Variants in PLPPR1 observed in about 807,000 individuals in gnomAD.
The protein encoded by PLPPR1 is phospholipid phosphatase-related protein type 1.
PLPPR1 carries 10 observed loss-of-function variants against 33.1 expected under a neutral mutation model. The ratio of observed to expected loss-of-function variants is 0.30; its 90% CI spans 0.19 to 0.51. The LOEUF (loss-of-function observed/expected upper bound fraction) is 0.51. Ranked by LOEUF, PLPPR1 falls within the 20% of genes least tolerant of loss-of-function variation. The probability of loss-of-function intolerance (pLI) is 0.97; values close to 1 mark genes in which losing one functional copy is unlikely to be tolerated. For synonymous variants in PLPPR1, 151 were observed against 151.0 expected (o/e 1.00, Z 0.00); for missense variants, 304 against 408.1 (o/e 0.74, Z 2.20).
intron 4 of PLPPR1, among the ~76,000 whole-genome samples, chr9:101,286,628 C>T (rs912765334): frequency 7.2e-5 from 11 of 152,204 alleles, no homozygotes; most frequent in Middle Eastern, 3.4e-3. Flanking sequence ...TTTTGTTATG[C>T]AGGGAATTTA....
intron 4 of PLPPR1, among the ~76,000 whole-genome samples, chr9:101,294,375 A>G (rs995146623): frequency 5.9e-5 from 9 of 151,886 alleles, no homozygotes; most frequent in African/African-American, 2.2e-4. Context: ...CCAGAGGTAC[A>G]AGGAGGAACT....
intron 3 of PLPPR1, among the ~76,000 whole-genome samples, chr9:101,281,849 C>A (rs1229266523): frequency 6.6e-6 from 1 of 152,066 alleles, no homozygotes; most frequent in African/African-American, 2.4e-5. Flanking sequence ...AGGTAAGTTT[C>A]TGGAAACACA....
At chr9:101,272,439 A>G (rs1828118510) in intron 3 of PLPPR1, among the ~76,000 whole-genome samples, 1 of 152,208 alleles carries the variant, frequency 6.6e-6, no homozygotes, top group Non-Finnish European at 1.5e-5. Flanking sequence ...CCACAAAAGC[A>G]CTCTGAATAG....
intron 2 of PLPPR1, among the ~76,000 whole-genome samples, chr9:101,205,363 A>G (rs1270791680): frequency 6.6e-6 from 1 of 152,198 alleles, no homozygotes; most frequent in African/African-American, 2.4e-5. Flanking sequence ...AAACTATTTT[A>G]GAGAAGCTCA....
At chr9:101,102,755 C>T in intron 1 of PLPPR1, among the ~76,000 whole-genome samples, 6 of 103,086 alleles carry the variant, frequency 5.8e-5, no homozygotes, top group African/African-American at 2.1e-4. Context: ...AGTTTACAGT[C>T]CCACCAACAG....
chr9:101,032,027 A>C (rs1188781416), intron 1 of PLPPR1, among the ~76,000 whole-genome samples: 1 of 152,184 alleles, frequency 6.6e-6, no homozygotes. Flanking sequence ...ACATTAGCTG[A>C]GTCTTGAACA....
intron 3 of PLPPR1, among the ~76,000 whole-genome samples, chr9:101,282,433 G>A (rs1451854541): frequency 6.6e-6 from 1 of 152,166 alleles, no homozygotes; most frequent in Non-Finnish European, 1.5e-5. Context: ...GAGGCCATAT[G>A]TGGTAAACTC....
chr9:101,038,834 A>G (rs997064654), intron 1 of PLPPR1, among the ~76,000 whole-genome samples: 8 of 151,780 alleles, frequency 5.3e-5, no homozygotes, highest in African/African-American at 1.9e-4. Flanking sequence ...ATAACCCCTC[A>G]CTGCACTCTA....
At chr9:101,168,263 A>C (rs1052320093) in intron 1 of PLPPR1, among the ~76,000 whole-genome samples, 1 of 152,154 alleles carries the variant, frequency 6.6e-6, no homozygotes, top group East Asian at 1.9e-4. Flanking sequence ...AAGGGACTCT[A>C]ACATCCTTAA....
chr9:101,294,576 C>T (rs1166105326), intron 4 of PLPPR1, among the ~76,000 whole-genome samples: 5 of 151,692 alleles, frequency 3.3e-5, no homozygotes, highest in African/African-American at 1.2e-4. Flanking sequence ...AAACCGAATC[C>T]AGCAGCACAT....
intron 1 of PLPPR1, among the ~76,000 whole-genome samples, chr9:101,153,741 T>C (rs1412830441): frequency 7.2e-5 from 9 of 125,404 alleles, no homozygotes; most frequent in Non-Finnish European, 1.5e-4. Context: ...TGCCTGGCTA[T>C]TTTTTTTGTA....
At chr9:101,288,929 A>G (rs1828444513) in intron 4 of PLPPR1, among the ~76,000 whole-genome samples, 1 of 152,222 alleles carries the variant, frequency 6.6e-6, no homozygotes, top group South Asian at 2.1e-4. Flanking sequence ...AGCTTTTTGA[A>G]GCAAAAATAT....
intron 1 of PLPPR1, among the ~76,000 whole-genome samples, chr9:101,114,678 A>G (rs1483798218): frequency 6.6e-6 from 1 of 152,214 alleles, no homozygotes; most frequent in Non-Finnish European, 1.5e-5. Context: ...GGTAAGCAAC[A>G]GTGGAAAAGG....
At chr9:101,181,225 G>A (rs1161160762) in intron 1 of PLPPR1, among the ~76,000 whole-genome samples, 1 of 147,258 alleles carries the variant, frequency 6.8e-6, no homozygotes, top group African/African-American at 2.5e-5. Context: ...TCTCATCACT[G>A]ATGATCAGGG....
intron 1 of PLPPR1, among the ~76,000 whole-genome samples, chr9:101,078,190 G>A (rs1245246979): frequency 2.1e-4 from 8 of 38,576 alleles, no homozygotes; most frequent in South Asian, 2.2e-3. Context: ...AAGAAGAGGA[G>A]GGGGGGAGGG....
At chr9:101,098,940 T>G (rs1457101033) in intron 1 of PLPPR1, among the ~76,000 whole-genome samples, 1 of 152,150 alleles carries the variant, frequency 6.6e-6, no homozygotes, top group Non-Finnish European at 1.5e-5. Flanking sequence ...AAGGCTGTCC[T>G]CGACATGCTT....
chr9:101,108,501 C>G (rs1054738273), intron 1 of PLPPR1, among the ~76,000 whole-genome samples: 2 of 152,168 alleles, frequency 1.3e-5, no homozygotes, highest in African/African-American at 4.8e-5. Flanking sequence ...TTATTGTCCA[C>G]TTTGAGACTC....
At chr9:101,238,076 A>G (rs1013276695) in intron 2 of PLPPR1, among the ~76,000 whole-genome samples, 2 of 137,564 alleles carry the variant, frequency 1.5e-5, no homozygotes, top group Non-Finnish European at 3.2e-5. Context: ...GTGTGTGTGT[A>G]TATATATACA....
intron 2 of PLPPR1, among the ~76,000 whole-genome samples, chr9:101,196,986 G>T (rs908075864): frequency 3.9e-5 from 6 of 152,134 alleles, no homozygotes; most frequent in Admixed American, 2.6e-4. Context: ...CCCAGGCTTC[G>T]CCAGTACATG....
Sources: gnomAD v4.1 joint callset for allele counts (sites outside exome capture counted in the v4.1 genomes callset) on GRCh38, gnomAD v4.1.1 for gene constraint, MANE v1.5 for transcripts, NCBI Gene and HGNC (gene_info 2026-07-23, HGNC 2026-07-21) for gene names.